Variants in TRDN observed in about 807,000 individuals in gnomAD.
TRDN encodes the protein triadin in skeletal muscle.
TRDN carries 161 observed loss-of-function variants against 149.7 expected under a neutral mutation model. That is an observed-to-expected ratio of 1.08 (90% CI 0.95 to 1.23). The LOEUF is 1.23. Ranked by LOEUF, TRDN falls within the 50% of genes most tolerant of loss-of-function variation. The pLI, the probability that TRDN is intolerant of heterozygous loss-of-function variation, is 0.00. For synonymous variants in TRDN, 294 were observed against 250.5 expected (o/e 1.17, Z -1.64); for missense variants, 896 against 823.5 (o/e 1.09, Z -1.08).
chr6:123,316,544 T>C lies in TRDN; in HGVS notation c.1472-49A>G, dbSNP rs573642612. 13 of 1,562,898 alleles carry C rather than the reference T, an allele frequency of 8.3e-6. No individual in the cohort carries two copies. In the African/African-American group the frequency reaches 1.6e-4, roughly 20 times the overall value. ...CACGTACAAACAAAAGGGAAAAAAA[T>C]AACATTTGAAAAATAGTCAGTACAA... is the stretch of plus-strand genomic sequence containing the variant. On this transcript the variant is annotated intron_variant, in intron 23 of 40. Transcript: ENST00000334268.
intron 1 of TRDN, among the ~76,000 whole-genome samples, chr6:123,619,628 G>T (rs541277713): frequency 6.6e-6 from 1 of 152,254 alleles, no homozygotes; most frequent in Non-Finnish European, 1.5e-5. Flanking sequence ...CCTCTCAAGA[G>T]AAGAAGAGTC....
intron 24 of TRDN, among the ~76,000 whole-genome samples, chr6:123,302,248 T>C (rs1288397767): frequency 1.3e-5 from 2 of 152,210 alleles, no homozygotes; most frequent in East Asian, 3.9e-4. Flanking sequence ...CGATGCATAC[T>C]GTTTTTCTTT....
chr6:123,351,553 T>C, intron 21 of TRDN: 1 of 981,946 alleles, frequency 1.0e-6, no homozygotes, highest in Non-Finnish European at 1.2e-6. Context: ...TAAAGGGATT[T>C]TATTTTGAAA....
chr6:123,631,610 C>T (rs116130213), intron 1 of TRDN, among the ~76,000 whole-genome samples: 139 of 152,028 alleles, frequency 9.1e-4, no homozygotes, highest in African/African-American at 3.1e-3. Context: ...TTTGCACTTA[C>T]GAATAAATTT....
intron 9 of TRDN, among the ~76,000 whole-genome samples, chr6:123,494,750 T>C (rs191505224): frequency 3.9e-5 from 6 of 152,218 alleles, no homozygotes; most frequent in Admixed American, 2.6e-4. Flanking sequence ...TTTTGTTTTT[T>C]TGAGATGGAG....
intron 1 of TRDN, among the ~76,000 whole-genome samples, chr6:123,603,485 A>C (rs1784374414): frequency 6.6e-6 from 1 of 151,986 alleles, no homozygotes; most frequent in Non-Finnish European, 1.5e-5. Context: ...ACCATAGCTA[A>C]ATATTATAAA....
At position 123,622,637 on chromosome 6, in the gene TRDN, C is replaced by T. The variant is rs181709906; in HGVS notation, c.22+14117G>A. 1.4e-3 allele frequency among the ~76,000 whole-genome samples: 216 copies of T among 152,132 alleles called. 1 individual carries two copies. Among genetic ancestry groups the T allele is most frequent in the Non-Finnish European group, 2.1e-3 (146 of 67,976 alleles). On this transcript the variant is annotated intron_variant, in intron 1 of 40. Coordinates refer to ENST00000334268, the MANE Select transcript of TRDN (RefSeq NM_006073.4). The stretch of plus-strand genomic sequence containing the variant: ...GTTTTTAAACACTGAACTGAGGAGA[C>T]GGCTGTTCTCTTGAAAACTAAGCGG...
At chr6:123,222,389 A>G (rs1362407514) in intron 39 of TRDN, among the ~76,000 whole-genome samples, 1 of 151,714 alleles carries the variant, frequency 6.6e-6, no homozygotes, top group Non-Finnish European at 1.5e-5. Flanking sequence ...CAGATATTTA[A>G]TTCTAGGGAG....
At chr6:123,547,649 A>G (rs909903870) in intron 3 of TRDN, among the ~76,000 whole-genome samples, 2 of 152,008 alleles carry the variant, frequency 1.3e-5, no homozygotes, top group Admixed American at 6.6e-5. Flanking sequence ...TCAACTCTCT[A>G]TTGTTCATGT....
chr6:123,455,076 T>C (rs1776028123), intron 10 of TRDN, among the ~76,000 whole-genome samples: 1 of 152,212 alleles, frequency 6.6e-6, no homozygotes, highest in African/African-American at 2.4e-5. Flanking sequence ...ACCTTTTACT[T>C]CATCAATGCC....
At chr6:123,506,399 A>G (rs1017807134) in intron 7 of TRDN, among the ~76,000 whole-genome samples, 3 of 152,064 alleles carry the variant, frequency 2.0e-5, no homozygotes, top group Non-Finnish European at 4.4e-5. Flanking sequence ...GTATTTTTCC[A>G]TGTGTCAACT....
At chr6:123,506,440 T>A (rs1778927716) in intron 7 of TRDN, among the ~76,000 whole-genome samples, 1 of 152,218 alleles carries the variant, frequency 6.6e-6, no homozygotes, top group Middle Eastern at 3.4e-3. Context: ...ATATTTTCTA[T>A]ATTTTTCCAC....
intron 19 of TRDN, among the ~76,000 whole-genome samples, chr6:123,371,790 C>G (rs1389129893): frequency 6.6e-6 from 1 of 152,094 alleles, no homozygotes; most frequent in Non-Finnish European, 1.5e-5. Context: ...ATGCCTTACC[C>G]TACCACCTAA....
At chr6:123,392,301 T>C (rs951758012) in intron 13 of TRDN, among the ~76,000 whole-genome samples, 6 of 152,056 alleles carry the variant, frequency 3.9e-5, no homozygotes, top group Non-Finnish European at 8.8e-5. Context: ...TTTTCAGATA[T>C]CTCTTCATTT....
chr6:123,523,106 T>G (rs972169366), intron 5 of TRDN, among the ~76,000 whole-genome samples: 2 of 152,112 alleles, frequency 1.3e-5, no homozygotes, highest in African/African-American at 4.8e-5. Context: ...ATGGACAAAG[T>G]GCTTAAATGC....
intron 10 of TRDN, among the ~76,000 whole-genome samples, chr6:123,443,493 C>A (rs1039375554): frequency 6.6e-6 from 1 of 151,922 alleles, no homozygotes; most frequent in Admixed American, 6.6e-5. Context: ...TAGATAAATT[C>A]AAAGAAGAGC....
At chr6:123,487,670 T>C (rs1778032663) in intron 9 of TRDN, among the ~76,000 whole-genome samples, 1 of 152,126 alleles carries the variant, frequency 6.6e-6, no homozygotes, top group Non-Finnish European at 1.5e-5. Flanking sequence ...ATATACAACG[T>C]ATTATTGTCT....
In TRDN at chr6:123,284,956, AG is replaced by A. The variant is rs753052578; in HGVS notation, c.1511-5875del. Among the ~76,000 whole-genome samples the A allele has an allele frequency of 9.9e-5, 15 of 152,232 alleles. No homozygotes were observed. The South Asian group carries it at 3.1e-3, about 32-fold the overall frequency. On this transcript the variant is annotated intron_variant, in intron 24 of 40. Coordinates refer to ENST00000334268, the MANE Select transcript of TRDN (RefSeq NM_006073.4). ...AAATACTTAGAAATATACCTAACCA[AG>A]GAAGTGAAACACCTCTACAAGGAAA...
At chr6:123,581,509 G>A (rs1022974915) in intron 1 of TRDN, among the ~76,000 whole-genome samples, 8 of 152,120 alleles carry the variant, frequency 5.3e-5, no homozygotes, top group African/African-American at 1.9e-4. Flanking sequence ...GTTGCTACAG[G>A]AAATCAGCTT....
Sources: allele counts gnomAD v4.1 joint callset (sites outside exome capture counted in the v4.1 genomes callset), GRCh38; gene constraint gnomAD v4.1.1; transcripts MANE v1.5; gene names NCBI Gene and HGNC (gene_info 2026-07-23, HGNC 2026-07-21).